The following SCNN1A variants were observed in gnomAD, a reference collection of about 807,000 sequenced individuals.
SCNN1A encodes the protein sodium channel epithelial 1 subunit alpha.
In SCNN1A, 65 loss-of-function variants were observed where a neutral mutation model predicts 68.6. The observed-to-expected ratio is 0.95, with a 90% CI of 0.78 to 1.16. The LOEUF (loss-of-function observed/expected upper bound fraction) is 1.16, where lower values mean the gene tolerates loss of function less well. Among genes scored for constraint, SCNN1A ranks in the 50% most tolerant of loss-of-function variants. The pLI, the probability that SCNN1A is intolerant of heterozygous loss-of-function variation, is 0.00. For missense variants in SCNN1A, 880 were observed against 865.9 expected (o/e 1.02, Z -0.20); for synonymous variants, 357 against 353.3 (o/e 1.01, Z -0.12).
chr12:6,367,594 A>G (rs564559941), intron 2 of SCNN1A, among the ~76,000 whole-genome samples: 5 of 152,360 alleles, frequency 3.3e-5, no homozygotes, highest in Admixed American at 1.3e-4. Flanking sequence ...TGATAGAGAT[A>G]GCATTCAGAA....
intron 2 of SCNN1A, among the ~76,000 whole-genome samples, chr12:6,365,029 T>TTC (rs1400582994): frequency 7.3e-4 from 110 of 150,766 alleles, no homozygotes; most frequent in African/African-American, 2.6e-3. Context: ...ATTCCAGCTT[T>TTC]TTTTTTTTTT....
At chr12:6,371,524 G>A (rs1416832355) in intron 2 of SCNN1A, among the ~76,000 whole-genome samples, 32 of 134,960 alleles carry the variant, frequency 2.4e-4, no homozygotes, top group Admixed American at 1.5e-4. Flanking sequence ...GGAGCGTGGC[G>A]GGGGGGCGGG....
chr12:6,361,940 G>T, intron 4 of SCNN1A, 111 bp downstream of exon 4: 1 of 1,234,238 alleles, frequency 8.1e-7, no homozygotes, highest in Non-Finnish European at 1.2e-6. Flanking sequence ...TGCTGGCACT[G>T]GCATTTTTTT....
Position 6,349,146 on chromosome 12 carries a change from C to T in SCNN1A, c.1497+18G>A. 6.2e-7 allele frequency: 1 copy of T among 1,611,558 alleles called. No individual in the cohort carries two copies. The highest frequency in any genetic ancestry group is 8.5e-7 in the Non-Finnish European group (1 of 1,177,888). ...ATGGGCACACACATCCCCCACCCAT[C>T]CCTTCCCCACACTCTACCTGGGATG... is the stretch of plus-strand genomic sequence containing the variant. On this transcript the variant is annotated intron_variant, in intron 10 of 12. Coordinates refer to ENST00000228916, the MANE Select transcript of SCNN1A (RefSeq NM_001038.6).
chr12:6,362,344 G>A (rs1046987979), intron 3 of SCNN1A, 103 bp from the exon 4 acceptor site: 11 of 1,046,148 alleles, frequency 1.1e-5, no homozygotes, highest in Non-Finnish European at 1.7e-5. Context: ...GAGGACTGAC[G>A]GACAGGAGTC....
chr12:6,361,983 C>G, intron 4 of SCNN1A, 68 bp downstream of exon 4: 2 of 1,532,140 alleles, frequency 1.3e-6, no homozygotes, highest in Non-Finnish European at 1.8e-6. Flanking sequence ...CCTGCCCATG[C>G]AGGGCGTGAG....
intron 4 of SCNN1A, among the ~76,000 whole-genome samples, chr12:6,356,776 T>C (rs558599771): frequency 1.1e-4 from 16 of 152,254 alleles, no homozygotes; most frequent in African/African-American, 3.9e-4. Flanking sequence ...TCTGCTACCC[T>C]GCCATCTTGG....
In SCNN1A at chr12:6,374,358, A is replaced by C; in HGVS notation, c.416+10T>G. ...CAGGCACCAGGGAAGGGGCAGAGGGACTAACCGACCTGTAGGGATTGAGGG... is the reference window on the plus strand; with the variant it reads ...CAGGCACCAGGGAAGGGGCAGAGGGCCTAACCGACCTGTAGGGATTGAGGG... On this transcript the variant is annotated intron_variant, in intron 2 of 12. Coordinates refer to ENST00000228916, the MANE Select transcript of SCNN1A (RefSeq NM_001038.6). This position sits in a 1 kb window ranked among gnomAD's most constrained non-coding sequence, Gnocchi z 6.2. The C allele has an allele frequency of 3.7e-6, 6 of 1,613,866 alleles. No homozygotes were observed. The highest frequency in any genetic ancestry group is 5.1e-6 in the Non-Finnish European group (6 of 1,179,778).
intron 8 of SCNN1A, chr12:6,349,720 A>AT (rs1358654671): frequency 1.5e-5 from 4 of 259,496 alleles, no homozygotes; most frequent in East Asian, 1.9e-4. Context: ...AAAAAAAAAA[A>AT]TTTTTAATAA....
At position 6,355,418 on chromosome 12, in the gene SCNN1A, G is replaced by A. The variant is rs146177203; in HGVS notation, c.997C>T (p.Arg333Cys). 162 of 1,613,924 alleles carry A rather than the reference G, an allele frequency of 1.0e-4. 3 individuals are homozygous for A. The highest frequency in any genetic ancestry group is 6.2e-4 in the South Asian group (56 of 91,024). ...GINNGLSLML[R>C]AEQNDFIPLL... ...GGAATGAAGTCATTCTGCTCTGCGC[G>A]CAGCATCAGGGACAGACCTAGGGGT... Residue 333 changes from arginine (R) to cysteine (C), a missense_variant, in exon 6 of 13, where the codon CGC (arginine) becomes TGC (cysteine). By Grantham distance (180) the Arg-to-Cys change is radical. Coordinates refer to ENST00000228916, the MANE Select transcript of SCNN1A (RefSeq NM_001038.6).
chr12:6,356,129 C>T, intron 4 of SCNN1A: 1 of 549,278 alleles, frequency 1.8e-6, no homozygotes, highest in Admixed American at 2.9e-5. Context: ...GAAGCTAAGG[C>T]TCAGAGAGCT....
intron 9 of SCNN1A, 40 bp downstream of exon 9, chr12:6,349,287 G>C: frequency 1.9e-6 from 3 of 1,613,048 alleles, no homozygotes; most frequent in Non-Finnish European, 2.5e-6. Flanking sequence ...TCGGTAACCT[G>C]TATTCTACCC....
At chr12:6,377,253 T>A (rs1379168748), upstream of SCNN1A, 1 of 1,551,070 alleles carries the variant, frequency 6.4e-7, no homozygotes, top group East Asian at 2.4e-5. Context: ...CTTGCTTACC[T>A]TGATACTGCT....
chr12:6,351,409 G>A lies in SCNN1A; in HGVS notation c.1361-2004C>T, dbSNP rs543672415. On this transcript the variant is annotated intron_variant, in intron 8 of 12. Coordinates refer to ENST00000228916, the MANE Select transcript of SCNN1A (RefSeq NM_001038.6). The surrounding 1 kb of genome is among the most constrained non-coding windows in gnomAD (Gnocchi z 4.2). ...GGCTGAGGTGGGCGGATCACCTGAG[G>A]TCAGGAGTTTGAGACCAGCCTGACC... 1.5e-4 allele frequency among the ~76,000 whole-genome samples: 23 copies of A among 152,264 alleles called. No homozygotes were observed. Among genetic ancestry groups the A allele is most frequent in the Non-Finnish European group, 3.2e-4 (22 of 68,018 alleles).
rs766654022 is a variant in SCNN1A at position 6,361,156 on chromosome 12, T to C, written c.875+895A>G. Reference sequence around the variant, plus strand: ...AATGCCTAGAACAGTGACTGGCACATAGCCCAGATAGTCAAAACTATTTGT... The same window carrying C: ...AATGCCTAGAACAGTGACTGGCACACAGCCCAGATAGTCAAAACTATTTGT... On this transcript the variant is annotated intron_variant, in intron 4 of 12. Coordinates refer to ENST00000228916, the MANE Select transcript of SCNN1A (RefSeq NM_001038.6). 1.4e-4 allele frequency among the ~76,000 whole-genome samples: 22 copies of C among 152,384 alleles called. No individual in the cohort carries two copies. The South Asian group carries it at 1.4e-3, about 10-fold the overall frequency.
intron 4 of SCNN1A, among the ~76,000 whole-genome samples, chr12:6,361,390 G>A (rs1948576762): frequency 6.6e-6 from 1 of 152,308 alleles, no homozygotes; most frequent in Non-Finnish European, 1.5e-5. Flanking sequence ...GTATGAGACA[G>A]ATGATCTCCT....
chr12:6,365,763 A>T (rs1215360435), intron 2 of SCNN1A, among the ~76,000 whole-genome samples: 1 of 152,264 alleles, frequency 6.6e-6, no homozygotes, highest in Non-Finnish European at 1.5e-5. Context: ...AAGATGGAAG[A>T]TATCTTCCTG....
rs775543049 is a variant in SCNN1A, at chr12:6,349,187, G to C, written c.1474C>G (p.Arg492Gly). ...TSYQLSAGYS[R>G]WPSVTSQEWV... ...ACCTGGGATGTCACCGAGGGCCATC[G>C]TGAGTAACCAGCAGAGAGCTGGTAG... The change falls in exon 10 of 13, where the codon CGA becomes GGA. Residue 492 changes from arginine (R) to glycine (G), a missense_variant. Arg to Gly is a moderately radical substitution (Grantham distance 125). Around this residue, in one of 3 missense-constraint regions of SCNN1A, gnomAD observed 758 missense variants for 721.8 expected, o/e 1.05. Transcript: ENST00000228916. 2.5e-6 allele frequency: 4 copies of C among 1,614,056 alleles called. No homozygotes were observed. The highest frequency in any genetic ancestry group is 3.4e-6 in the Non-Finnish European group (4 of 1,179,984).
At chr12:6,366,672 T>C (rs1025732258) in intron 2 of SCNN1A, among the ~76,000 whole-genome samples, 2 of 151,992 alleles carry the variant, frequency 1.3e-5, no homozygotes, top group African/African-American at 2.4e-5. Context: ...TGGTGGCACA[T>C]GCCTGTAATC....
Sources: gnomAD v4.1 joint callset for allele counts (sites outside exome capture counted in the v4.1 genomes callset) on GRCh38, gnomAD v4.1.1 for gene constraint, gnomAD v4.1.1 regional missense constraint, Gnocchi (gnomAD v3.1) non-coding constraint, MANE v1.5 for transcripts, NCBI Gene and HGNC (gene_info 2026-07-23, HGNC 2026-07-21) for gene names.